Variants in MSH3 observed in about 807,000 individuals in gnomAD.
MSH3 encodes DNA mismatch repair protein Msh3.
In MSH3, 106 loss-of-function variants were observed where a neutral mutation model predicts 123.3. That is an observed-to-expected ratio of 0.86 (90% CI 0.73 to 1.01). The LOEUF is 1.01. MSH3 is among the 50% of genes least tolerant of loss of function. The pLI is 0.00. For missense variants in MSH3, 1,459 were observed against 1,347.6 expected, an observed-to-expected ratio of 1.08 and a Z score of -1.29; for synonymous variants, 515 against 481.4, an observed-to-expected ratio of 1.07 and a Z score of -0.91.
intron 15 of MSH3, among the ~76,000 whole-genome samples, chr5:80,773,281 C>G (rs1461780956): frequency 6.6e-6 from 1 of 152,186 alleles, no homozygotes; most frequent in Non-Finnish European, 1.5e-5. Flanking sequence ...CACTCTAAAA[C>G]AGCAGAATTA....
chr5:80,660,769 G>A (rs1357859989), intron 2 of MSH3, among the ~76,000 whole-genome samples: 1 of 151,986 alleles, frequency 6.6e-6, no homozygotes, highest in African/African-American at 2.4e-5. Context: ...ATAATCTGCA[G>A]GAACCCATAT....
In MSH3 at chr5:80,729,066, T is replaced by C. The variant is rs947415298; in HGVS notation, c.1568+101T>C. The C allele has an allele frequency of 5.4e-6, 4 of 747,530 alleles. No homozygotes were observed. The Admixed American group carries it at 8.0e-5, about 15-fold the overall frequency. The allele number at this position is 747,530 out of a possible 1,614,324, so 46.3% of individuals were successfully genotyped here. On this transcript the variant is annotated intron_variant, in intron 10 of 23. Coordinates refer to ENST00000265081, the MANE Select transcript of MSH3 (RefSeq NM_002439.5). The stretch of plus-strand genomic sequence containing the variant: ...TATACTTAGAGAAGCTTGCCTGCTA[T>C]TGATAGAATACTAGGGTGCAAGGAT...
chr5:80,659,243 A>G (rs1243494777), intron 2 of MSH3, among the ~76,000 whole-genome samples: 1 of 152,156 alleles, frequency 6.6e-6, no homozygotes, highest in Non-Finnish European at 1.5e-5. Flanking sequence ...CAAAAAAAAA[A>G]AAAAAGATAC....
At chr5:80,777,486 A>G (rs1744326681) in intron 16 of MSH3, among the ~76,000 whole-genome samples, 2 of 152,224 alleles carry the variant, frequency 1.3e-5, no homozygotes, top group Admixed American at 1.3e-4. Context: ...ATATCTCCCT[A>G]AATGAGTTTT....
rs773751711 is a variant in MSH3 at position 80,665,228 on chromosome 5, A to G, written c.444A>G (p.Gln148=). 2.5e-6 allele frequency: 4 copies of G among 1,614,146 alleles called. No homozygotes were observed. Among genetic ancestry groups the G allele is most frequent in the Non-Finnish European group, 3.4e-6 (4 of 1,180,000 alleles). ...TCTGCTGCGATTCTGCCCTTCCTCA[A>G]AGTAGAGTCCAGACAGAATCTCTGC... The part of the protein sequence containing the change: ...KEFCCDSALP[Q]SRVQTESLQE... Residue 148 remains glutamine, a synonymous_variant, in exon 3 of 24, where the codon CAA becomes CAG. Transcript: ENST00000265081.
intron 12 of MSH3, among the ~76,000 whole-genome samples, chr5:80,755,752 A>C (rs1324663969): frequency 6.6e-6 from 1 of 152,180 alleles, no homozygotes; most frequent in East Asian, 1.9e-4. Flanking sequence ...TTGGGGTTCA[A>C]CTGCCTTGTG....
chr5:80,672,409 C>T, intron 5 of MSH3, 49 bp downstream of exon 5: 1 of 1,355,376 alleles, frequency 7.4e-7, no homozygotes. Flanking sequence ...GATTCTCCTC[C>T]AGAGAGTGCA....
At chr5:80,745,211 A>C (rs376194827) in intron 12 of MSH3, among the ~76,000 whole-genome samples, 2 of 152,306 alleles carry the variant, frequency 1.3e-5, no homozygotes, top group South Asian at 2.1e-4. Flanking sequence ...GCTTCACAAA[A>C]TACTCATGCC....
chr5:80,677,711 C>T (rs1561439106), intron 7 of MSH3, among the ~76,000 whole-genome samples: 1 of 152,146 alleles, frequency 6.6e-6, no homozygotes, highest in East Asian at 1.9e-4. Context: ...GCTTCTAGTT[C>T]CAGCCTTGCC....
At chr5:80,860,568 C>T (rs1380141700) in intron 21 of MSH3, among the ~76,000 whole-genome samples, 2 of 151,450 alleles carry the variant, frequency 1.3e-5, no homozygotes, top group African/African-American at 4.8e-5. Context: ...TGTTTCTTCC[C>T]TCTGGCTTAC....
intron 20 of MSH3, among the ~76,000 whole-genome samples, chr5:80,814,429 G>A (rs1168671962): frequency 2.0e-5 from 3 of 152,042 alleles, no homozygotes; most frequent in South Asian, 2.1e-4. Flanking sequence ...CTGCCACCAC[G>A]CCCAGCTGAT....
At chr5:80,773,164 C>T (rs1343683669) in intron 15 of MSH3, among the ~76,000 whole-genome samples, 2 of 152,166 alleles carry the variant, frequency 1.3e-5, no homozygotes, top group Admixed American at 6.6e-5. Flanking sequence ...GTGTCCTTCC[C>T]AAATATCAGT....
At chr5:80,660,230 A>G (rs1749402515) in intron 2 of MSH3, among the ~76,000 whole-genome samples, 1 of 151,636 alleles carries the variant, frequency 6.6e-6, no homozygotes, top group African/African-American at 2.4e-5. Flanking sequence ...TCTGGGATAC[A>G]TGTGTAGAAC....
intron 6 of MSH3, among the ~76,000 whole-genome samples, chr5:80,674,328 G>A (rs968452801): frequency 1.3e-5 from 2 of 152,062 alleles, no homozygotes; most frequent in Admixed American, 6.5e-5. Flanking sequence ...AGACATACAT[G>A]CACATATAAT....
chr5:80,821,682 A>AC (rs1480515537), intron 20 of MSH3, among the ~76,000 whole-genome samples: 2 of 152,352 alleles, frequency 1.3e-5, no homozygotes, highest in African/African-American at 4.8e-5. Context: ...GCACTCTGCC[A>AC]CAGGGCCTGT....
intron 22 of MSH3, among the ~76,000 whole-genome samples, chr5:80,871,947 C>G (rs1169042405): frequency 6.6e-6 from 1 of 152,148 alleles, no homozygotes; most frequent in African/African-American, 2.4e-5. Context: ...AAGCCCCTCC[C>G]TTCAGCTGCA....
intron 8 of MSH3, among the ~76,000 whole-genome samples, chr5:80,709,610 C>T (rs1413489333): frequency 2.0e-5 from 3 of 151,800 alleles, no homozygotes; most frequent in East Asian, 1.9e-4. Flanking sequence ...CCAGCCTGGG[C>T]GACAGAGTGA....
At chr5:80,735,012 A>G (rs1743478192) in intron 10 of MSH3, among the ~76,000 whole-genome samples, 1 of 152,190 alleles carries the variant, frequency 6.6e-6, no homozygotes, top group Non-Finnish European at 1.5e-5. Flanking sequence ...ATGAAAGCAG[A>G]GGTCAGGTGG....
At chr5:80,824,962 C>T (rs1745268061) in intron 20 of MSH3, among the ~76,000 whole-genome samples, 1 of 152,110 alleles carries the variant, frequency 6.6e-6, no homozygotes, top group African/African-American at 2.4e-5. Context: ...CACTGTGCTC[C>T]CACATCTTCC....
Sources: allele counts gnomAD v4.1 joint callset (sites outside exome capture counted in the v4.1 genomes callset), GRCh38; gene constraint gnomAD v4.1.1; transcripts MANE v1.5; gene names NCBI Gene and HGNC (gene_info 2026-07-23, HGNC 2026-07-21).